The following RGS7 variants were observed in gnomAD, a reference collection of about 807,000 sequenced individuals.
The protein encoded by RGS7 is regulator of G protein signaling 7.
Under a neutral mutation model 81.1 loss-of-function variants are expected in RGS7, and 27 were observed. That is an observed-to-expected ratio of 0.33 (90% CI 0.25 to 0.46). The LOEUF (loss-of-function observed/expected upper bound fraction) is 0.46. Ranked by LOEUF, RGS7 falls within the 20% of genes least tolerant of loss-of-function variation. The pLI is 1.00. For missense variants in RGS7, 396 were observed against 607.4 expected (o/e 0.65, Z 3.66); for synonymous variants, 208 against 207.7 (o/e 1.00, Z -0.01).
chr1:240,888,190 T>C (rs1667696829), intron 6 of RGS7, among the ~76,000 whole-genome samples: 1 of 152,204 alleles, frequency 6.6e-6, no homozygotes, highest in African/African-American at 2.4e-5. Context: ...TTCCTGGAGC[T>C]GGGACCACGT....
At chr1:241,226,993 G>A (rs981680402) in intron 2 of RGS7, among the ~76,000 whole-genome samples, 2 of 152,078 alleles carry the variant, frequency 1.3e-5, no homozygotes, top group Non-Finnish European at 2.9e-5. Context: ...ATAAAAATAT[G>A]TGTGGTTTTT....
intron 2 of RGS7, among the ~76,000 whole-genome samples, chr1:241,306,700 T>C (rs1257978879): frequency 6.7e-6 from 1 of 149,166 alleles, no homozygotes; most frequent in Non-Finnish European, 1.5e-5. Flanking sequence ...TACACACACA[T>C]ACACCCTTAT....
intron 9 of RGS7, among the ~76,000 whole-genome samples, chr1:240,866,025 T>C (rs1663169290): frequency 6.6e-6 from 1 of 152,182 alleles, no homozygotes; most frequent in South Asian, 2.1e-4. Context: ...TTTGGACAAG[T>C]GTCAGCATTT....
intron 6 of RGS7, among the ~76,000 whole-genome samples, chr1:240,891,670 G>C (rs116661361): frequency 0.012 from 1,872 of 152,220 alleles, 12 homozygotes; most frequent in Middle Eastern, 0.031. Context: ...AACATTCTTA[G>C]TCTCCTAATT....
intron 10 of RGS7, among the ~76,000 whole-genome samples, chr1:240,824,350 A>G (rs1032578364): frequency 3.9e-5 from 6 of 152,244 alleles, no homozygotes; most frequent in African/African-American, 1.2e-4. Flanking sequence ...TACGAGCATT[A>G]TCTGCTTTCA....
At chr1:241,347,168 G>C (rs75833611) in intron 2 of RGS7, among the ~76,000 whole-genome samples, 4,563 of 152,230 alleles carry the variant, frequency 0.03, 243 homozygotes, top group African/African-American at 0.1. Flanking sequence ...CTACCAATGA[G>C]TAAATGGAGG....
intron 2 of RGS7, among the ~76,000 whole-genome samples, chr1:241,340,335 G>C (rs2082470248): frequency 6.6e-6 from 1 of 152,148 alleles, no homozygotes; most frequent in Non-Finnish European, 1.5e-5. Context: ...CCTCAGAATA[G>C]AGGGAATGCT....
intron 2 of RGS7, among the ~76,000 whole-genome samples, chr1:241,292,201 A>C (rs1321707088): frequency 6.6e-6 from 1 of 152,202 alleles, no homozygotes; most frequent in Non-Finnish European, 1.5e-5. Context: ...TTTTATAACT[A>C]ACTTATTACA....
chr1:240,944,272 G>GTATA (rs1678121840), intron 4 of RGS7, among the ~76,000 whole-genome samples: 3 of 37,192 alleles, frequency 8.1e-5, no homozygotes, highest in Non-Finnish European at 2.1e-4. Flanking sequence ...GTGTGTGTGT[G>GTATA]TGTGTGTGTG....
intron 3 of RGS7, among the ~76,000 whole-genome samples, chr1:241,018,217 A>G (rs935220241): frequency 6.7e-6 from 1 of 148,250 alleles, no homozygotes; most frequent in African/African-American, 2.5e-5. Context: ...CTCCTGACTC[A>G]AGTGATCTGC....
rs921828195 is a variant in RGS7 at position 241,274,210 on chromosome 1, C to T, written c.78+81489G>A. Among the ~76,000 whole-genome samples, 4 of 152,274 alleles carry T rather than the reference C, an allele frequency of 2.6e-5. No individual in the cohort carries two copies. In the South Asian group the frequency reaches 8.3e-4, roughly 32 times the overall value. On this transcript the variant is annotated intron_variant, in intron 2 of 18. Transcript: ENST00000440928. Reference sequence around the variant, plus strand: ...ACATCTATCCAGATAGAAAAGTTCCCACCACATCTTTGTCATCTTTATATT... The same window carrying T: ...ACATCTATCCAGATAGAAAAGTTCCTACCACATCTTTGTCATCTTTATATT...
chr1:240,785,824 G>A (rs1432969479), intron 18 of RGS7, among the ~76,000 whole-genome samples: 2 of 152,150 alleles, frequency 1.3e-5, no homozygotes, highest in Non-Finnish European at 2.9e-5. Context: ...AGTTCTTCCA[G>A]GTAAACTTAC....
chr1:241,241,361 A>T (rs6665821), intron 2 of RGS7, among the ~76,000 whole-genome samples: 14,436 of 151,962 alleles, frequency 0.095, 854 homozygotes, highest in Admixed American at 0.19. Flanking sequence ...AAAAACCACA[A>T]TTACTTTTGC....
intron 2 of RGS7, among the ~76,000 whole-genome samples, chr1:241,100,433 A>G (rs1211482282): frequency 1.3e-5 from 2 of 152,044 alleles, no homozygotes; most frequent in Non-Finnish European, 2.9e-5. Context: ...GTTTTCAGCT[A>G]AGAAATCTAA....
chr1:241,027,898 G>A (rs2059872808), intron 3 of RGS7, among the ~76,000 whole-genome samples: 1 of 152,188 alleles, frequency 6.6e-6, no homozygotes, highest in African/African-American at 2.4e-5. Context: ...GGCATTTGAA[G>A]CTACAGGATT....
intron 2 of RGS7, among the ~76,000 whole-genome samples, chr1:241,181,340 C>T (rs1223455095): frequency 6.6e-6 from 1 of 152,084 alleles, no homozygotes; most frequent in Non-Finnish European, 1.5e-5. Context: ...TATAGCTTCT[C>T]CTGAATTTTA....
chr1:240,854,912 CA>C (rs1437588263), intron 9 of RGS7, among the ~76,000 whole-genome samples: 2 of 152,172 alleles, frequency 1.3e-5, no homozygotes, highest in African/African-American at 4.8e-5. Context: ...GGATACCATA[CA>C]CTCTGTGTGT....
chr1:241,108,957 T>C (rs2065320038), intron 2 of RGS7, among the ~76,000 whole-genome samples: 1 of 152,150 alleles, frequency 6.6e-6, no homozygotes, highest in Non-Finnish European at 1.5e-5. Context: ...TACTGCCTGC[T>C]TGAAATTCTC....
At chr1:240,821,195 G>C (rs1200493707) in intron 10 of RGS7, among the ~76,000 whole-genome samples, 1 of 152,178 alleles carries the variant, frequency 6.6e-6, no homozygotes, top group Non-Finnish European at 1.5e-5. Flanking sequence ...GCTCATGTCT[G>C]TAATCCCAGC....
Sources: gnomAD v4.1 joint callset for allele counts (sites outside exome capture counted in the v4.1 genomes callset) on GRCh38, gnomAD v4.1.1 for gene constraint, MANE v1.5 for transcripts, NCBI Gene and HGNC (gene_info 2026-07-23, HGNC 2026-07-21) for gene names.